The following PRR11 variants were observed in gnomAD, a reference collection of about 807,000 sequenced individuals.
PRR11 encodes the protein proline-rich protein 11.
A neutral mutation model predicts 45.6 loss-of-function variants in PRR11; 30 were observed. That is an observed-to-expected ratio of 0.66 (90% CI 0.49 to 0.89). PRR11 has a LOEUF of 0.89. PRR11 is among the 40% of genes least tolerant of loss of function. PRR11 has a pLI of 0.00. For synonymous variants in PRR11, 128 were observed against 153.5 expected (o/e 0.83, Z 1.23); for missense variants, 373 against 424.8 (o/e 0.88, Z 1.07).
In PRR11 at chr17:59,195,344, C is replaced by G; in HGVS notation, c.758C>G (p.Pro253Arg). The change falls in exon 7 of 10, where the codon CCG (proline) becomes CGG (arginine). Residue 253 changes from proline (P) to arginine (R), a missense_variant. Physicochemically the swap from Pro to Arg is moderately radical, Grantham distance 103. Transcript: ENST00000262293. ...TTATAATTAAAGCTTATACCATCGC[C>G]GAAAGCACGGAATCCACTAGTTACC... is the stretch of plus-strand genomic sequence containing the variant. Reference protein sequence around the residue: ...LDEKRKLIPSPKARNPLVTVS... With the variant: ...LDEKRKLIPSRKARNPLVTVS... 2 of 1,613,042 alleles carry G rather than the reference C, an allele frequency of 1.2e-6. No homozygotes were observed. The highest frequency in any genetic ancestry group is 1.7e-6 in the Non-Finnish European group (2 of 1,179,176).
At chr17:59,187,833 C>T (rs1230656351) in intron 4 of PRR11, among the ~76,000 whole-genome samples, 1 of 150,544 alleles carries the variant, frequency 6.6e-6, no homozygotes, top group Non-Finnish European at 1.5e-5. Context: ...CCACTGCACT[C>T]CAGCCAGGGT....
chr17:59,173,708 T>A (rs1241343815), intron 2 of PRR11, among the ~76,000 whole-genome samples: 2 of 152,154 alleles, frequency 1.3e-5, no homozygotes, highest in Admixed American at 1.3e-4. Context: ...TTGAAGTCGG[T>A]GAAACCAAGA....
intron 2 of PRR11, chr17:59,181,604 T>C: frequency 7.1e-7 from 1 of 1,410,160 alleles, no homozygotes; most frequent in Non-Finnish European, 9.8e-7. Flanking sequence ...CCACACAGCA[T>C]CTCCGCCACC....
At chr17:59,189,122 A>G (rs1199403639) in intron 4 of PRR11, among the ~76,000 whole-genome samples, 2 of 151,102 alleles carry the variant, frequency 1.3e-5, no homozygotes, top group Non-Finnish European at 3.0e-5. Flanking sequence ...AACATGATGA[A>G]ACCCCCTCTC....
At chr17:59,168,422 G>T (rs142296044) in intron 1 of PRR11, among the ~76,000 whole-genome samples, 1 of 151,968 alleles carries the variant, frequency 6.6e-6, no homozygotes, top group African/African-American at 2.4e-5. Context: ...TGCCCACCTC[G>T]GCCTCCCAAA....
Position 59,197,186 on chromosome 17 carries a change from C to T in PRR11, c.858-358C>T, listed in dbSNP as rs374763806. On this transcript the variant is annotated intron_variant, in intron 7 of 9. Transcript: ENST00000262293. ...TTAATGTAACACATAGAACTACTTTCTAGGATGTTGCCTATAGAAATGATT... is the reference window on the plus strand; with the variant it reads ...TTAATGTAACACATAGAACTACTTTTTAGGATGTTGCCTATAGAAATGATT... Among the ~76,000 whole-genome samples the T allele has an allele frequency of 6.6e-5, 10 of 151,998 alleles. No homozygotes were observed. In the South Asian group the frequency reaches 1.0e-3, roughly 16 times the overall value.
Position 59,170,119 on chromosome 17 carries a change from G to T in PRR11, c.128+239G>T, listed in dbSNP as rs1012544697. Among the ~76,000 whole-genome samples, 17 of 152,022 alleles carry T rather than the reference G, an allele frequency of 1.1e-4. No individual in the cohort carries two copies. The East Asian group carries it at 2.7e-3, about 24-fold the overall frequency. ...ACTACAAAAATTAGCCTGCGTGGTG[G>T]CGGGCAACTGTAATCCCAGCTTCTC... is the stretch of plus-strand genomic sequence containing the variant. On this transcript the variant is annotated intron_variant, in intron 2 of 9. Transcript: ENST00000262293.
intron 4 of PRR11, among the ~76,000 whole-genome samples, chr17:59,189,956 A>C (rs1174598619): frequency 6.6e-6 from 1 of 151,964 alleles, no homozygotes; most frequent in South Asian, 2.1e-4. Flanking sequence ...CCTGGGCAAC[A>C]TAGTGAGACC....
At chr17:59,192,717 C>G (rs1202828617) in intron 4 of PRR11, among the ~76,000 whole-genome samples, 2 of 152,088 alleles carry the variant, frequency 1.3e-5, no homozygotes, top group Non-Finnish European at 2.9e-5. Flanking sequence ...GGACCCCCAC[C>G]CTAACGGCCT....
At chr17:59,194,469 G>A (rs1043586626) in intron 5 of PRR11, among the ~76,000 whole-genome samples, 10 of 151,982 alleles carry the variant, frequency 6.6e-5, no homozygotes, top group Admixed American at 2.6e-4. Context: ...AATGACTCCC[G>A]GGGAAGATGC....
intron 2 of PRR11, chr17:59,178,483 A>T (rs928776960): frequency 1.9e-6 from 1 of 521,592 alleles, no homozygotes; most frequent in Admixed American, 1.9e-5. Flanking sequence ...CTTGTCTGAC[A>T]ACCTCAAATC....
In PRR11 at chr17:59,195,386, A is replaced by G. The variant is rs757087953; in HGVS notation, c.800A>G (p.His267Arg). Residue 267 changes from histidine (H) to arginine (R), a missense_variant, in exon 7 of 10, where the codon CAT becomes CGT. His to Arg is a conservative substitution (Grantham distance 29). Coordinates refer to ENST00000262293, the MANE Select transcript of PRR11 (RefSeq NM_018304.4). ...NPLVTVSDLQHVTLKPNSKVL... is the reference protein window; with the variant it reads ...NPLVTVSDLQRVTLKPNSKVL... ...CTAGTTACCGTCTCTGACTTGCAGC[A>G]TGTTACCCTGAAACCTAACTCCAAA... The G allele has an allele frequency of 6.2e-7, 1 of 1,614,054 alleles. No homozygotes were observed. The highest frequency in any genetic ancestry group is 8.5e-7 in the Non-Finnish European group (1 of 1,179,974).
intron 1 of PRR11, among the ~76,000 whole-genome samples, chr17:59,164,883 A>G (rs1455721174): frequency 1.3e-5 from 2 of 152,088 alleles, no homozygotes; most frequent in African/African-American, 4.8e-5. Flanking sequence ...TGTCTCAAAA[A>G]AAAAAAAAGG....
intron 2 of PRR11, among the ~76,000 whole-genome samples, chr17:59,184,273 C>A (rs1568324024): frequency 6.6e-6 from 1 of 151,990 alleles, no homozygotes; most frequent in Non-Finnish European, 1.5e-5. Context: ...ACCAGCCTGG[C>A]CAACATGGTG....
At chr17:59,169,093 C>CTTTTTTT (rs780548478) in intron 1 of PRR11, among the ~76,000 whole-genome samples, 4 of 106,724 alleles carry the variant, frequency 3.7e-5, no homozygotes, top group African/African-American at 1.2e-4. Flanking sequence ...GAAACATATT[C>CTTTTTTT]TTTTTTTTTT....
At chr17:59,197,810 T>C (rs377336078) in intron 9 of PRR11, 21 bp downstream of exon 9, 77 of 1,597,612 alleles carry the variant, frequency 4.8e-5, no homozygotes, top group Non-Finnish European at 6.3e-5. Flanking sequence ...AGGAAAAGAA[T>C]ATTGGTTCCT....
At chr17:59,176,302 T>C (rs2046745317) in intron 2 of PRR11, among the ~76,000 whole-genome samples, 3 of 152,112 alleles carry the variant, frequency 2.0e-5, no homozygotes, top group Admixed American at 2.0e-4. Flanking sequence ...CTGGCCTCAA[T>C]TTAGAAAGAC....
chr17:59,195,342 G>A lies in PRR11; in HGVS notation c.756G>A (p.Ser252=), dbSNP rs776930887. 59 of 1,612,160 alleles carry A rather than the reference G, an allele frequency of 3.7e-5. 3 individuals are homozygous for A. In the South Asian group the frequency reaches 6.0e-4, roughly 17 times the overall value. Residue 252 remains serine (S), a synonymous_variant, in exon 7 of 10, where the codon TCG becomes TCA. Coordinates refer to ENST00000262293, the MANE Select transcript of PRR11 (RefSeq NM_018304.4). ...TTTTATAATTAAAGCTTATACCATCGCCGAAAGCACGGAATCCACTAGTTA... is the reference window on the plus strand; with the variant it reads ...TTTTATAATTAAAGCTTATACCATCACCGAAAGCACGGAATCCACTAGTTA... The part of the protein sequence containing the change: ...SLDEKRKLIP[S]PKARNPLVTV...
chr17:59,188,199 T>C (rs2048706127), intron 4 of PRR11, among the ~76,000 whole-genome samples: 1 of 152,172 alleles, frequency 6.6e-6, no homozygotes, highest in African/African-American at 2.4e-5. Flanking sequence ...TAGTAGTCTC[T>C]GCCACACACA....
Sources: gnomAD v4.1 joint callset for allele counts (sites outside exome capture counted in the v4.1 genomes callset) on GRCh38, gnomAD v4.1.1 for gene constraint, MANE v1.5 for transcripts, NCBI Gene and HGNC (gene_info 2026-07-23, HGNC 2026-07-21) for gene names.